Variants in ITGA9 observed in about 807,000 individuals in gnomAD.
ITGA9 encodes integrin subunit alpha 9, also known as integrin alpha-9.
A neutral mutation model predicts 127.8 loss-of-function variants in ITGA9; 56 were observed. The observed-to-expected ratio is 0.44, with a 90% CI of 0.35 to 0.55. The LOEUF is 0.55. Among genes scored for constraint, ITGA9 ranks in the 20% least tolerant of loss-of-function variants. ITGA9 has a pLI of 0.00. For missense variants in ITGA9, 1,196 were observed against 1,347.1 expected (o/e 0.89, Z 1.76); for synonymous variants, 508 against 514.5 (o/e 0.99, Z 0.17).
chr3:37,469,817 A>G (rs1698409133), intron 1 of ITGA9, among the ~76,000 whole-genome samples: 1 of 151,840 alleles, frequency 6.6e-6, no homozygotes. Context: ...TGTTTTTGAG[A>G]CAGAGTCTCA....
At chr3:37,746,143 TG>T (rs1250993176) in intron 22 of ITGA9, among the ~76,000 whole-genome samples, 1 of 152,232 alleles carries the variant, frequency 6.6e-6, no homozygotes, top group Non-Finnish European at 1.5e-5. Flanking sequence ...GAAAATACTG[TG>T]GAAGGAGGCC....
At chr3:37,494,461 C>T (rs775337460) in intron 4 of ITGA9, 40 bp from the exon 5 acceptor site, 17 of 1,430,352 alleles carry the variant, frequency 1.2e-5, no homozygotes, top group Admixed American at 3.4e-5. Flanking sequence ...CATACACTGA[C>T]ATGGCTGTGG....
At chr3:37,469,928 T>C in intron 1 of ITGA9, among the ~76,000 whole-genome samples, 1 of 152,196 alleles carries the variant, frequency 6.6e-6, no homozygotes, top group Non-Finnish European at 1.5e-5. Flanking sequence ...CTCAAGCAGC[T>C]GGGATTACAG....
chr3:37,737,121 C>T lies in ITGA9; in HGVS notation c.2234+138C>T, dbSNP rs796355375. The T allele has an allele frequency of 9.8e-6, 7 of 713,158 alleles. 1 individual carries two copies. The highest frequency in any genetic ancestry group is 4.7e-5 in the South Asian group (3 of 64,300). 44.2% of individuals were successfully genotyped at this position (713,158 alleles called of 1,614,324 possible). On this transcript the variant is annotated intron_variant, in intron 20 of 27. Coordinates refer to ENST00000264741, the MANE Select transcript of ITGA9 (RefSeq NM_002207.3). ...GTTACTCAGTGATAAAGCCTTGAGC[C>T]GCAAAGTGGAATTGGATTTCTTGGG...
At chr3:37,697,276 G>A (rs962780510) in intron 18 of ITGA9, among the ~76,000 whole-genome samples, 7 of 151,016 alleles carry the variant, frequency 4.6e-5, no homozygotes, top group African/African-American at 1.7e-4. Context: ...GGACCCGTCA[G>A]CATCTATTAG....
At chr3:37,762,480 G>C (rs1315865308) in intron 23 of ITGA9, among the ~76,000 whole-genome samples, 6 of 152,222 alleles carry the variant, frequency 3.9e-5, no homozygotes, top group African/African-American at 1.2e-4. Context: ...GCATTGTTAT[G>C]TAGATGAAGC....
chr3:37,585,762 A>T, intron 15 of ITGA9: 1 of 370,316 alleles, frequency 2.7e-6, no homozygotes. Context: ...TCCATAGAGC[A>T]GTGTATTTGG....
intron 26 of ITGA9, 56 bp from the exon 27 acceptor site, chr3:37,803,767 C>G: frequency 6.2e-7 from 1 of 1,606,160 alleles, no homozygotes; most frequent in Non-Finnish European, 8.5e-7. Flanking sequence ...GAACAAGACT[C>G]TGTCTCAAAA....
At chr3:37,571,965 T>C (rs1002570001) in intron 15 of ITGA9, among the ~76,000 whole-genome samples, 3 of 152,034 alleles carry the variant, frequency 2.0e-5, no homozygotes, top group Admixed American at 6.5e-5. Flanking sequence ...GGAACTGAAC[T>C]GTCTGCTCTA....
intron 16 of ITGA9, among the ~76,000 whole-genome samples, chr3:37,648,132 A>G (rs966085870): frequency 5.3e-5 from 8 of 152,110 alleles, no homozygotes; most frequent in Non-Finnish European, 1.5e-5. Context: ...ACCAATTTAC[A>G]TTCCTACCAA....
chr3:37,809,286 A>G (rs1252772952), intron 27 of ITGA9, among the ~76,000 whole-genome samples: 1 of 151,976 alleles, frequency 6.6e-6, no homozygotes, highest in Admixed American at 6.6e-5. Context: ...GGGTTTCACC[A>G]TGTTGGCCAG....
chr3:37,517,389 C>T (rs192976420), intron 9 of ITGA9, 115 bp from the exon 10 acceptor site: 2 of 821,058 alleles, frequency 2.4e-6, no homozygotes, highest in East Asian at 2.7e-5. Context: ...TGTTTCCTGT[C>T]AATGAGTGTG....
chr3:37,675,743 C>CTT (rs5848124), intron 17 of ITGA9, among the ~76,000 whole-genome samples: 18,347 of 124,360 alleles, frequency 0.15, 1,671 homozygotes, highest in South Asian at 0.25. Context: ...TTAAAAACTA[C>CTT]TTTTTTTTTT....
chr3:37,798,075 C>T (rs926777827), intron 26 of ITGA9, among the ~76,000 whole-genome samples: 1 of 152,170 alleles, frequency 6.6e-6, no homozygotes, highest in Non-Finnish European at 1.5e-5. Flanking sequence ...ACTTCAGCCT[C>T]GATATCCCAT....
chr3:37,564,814 A>C (rs372516488), intron 15 of ITGA9, among the ~76,000 whole-genome samples: 6 of 152,212 alleles, frequency 3.9e-5, no homozygotes, highest in Non-Finnish European at 8.8e-5. Context: ...ATCCACCACT[A>C]CAGCCACAAC....
chr3:37,522,319 G>A (rs1699051949), intron 11 of ITGA9, among the ~76,000 whole-genome samples: 1 of 152,164 alleles, frequency 6.6e-6, no homozygotes, highest in Admixed American at 6.5e-5. Context: ...GTATCTTTGT[G>A]AGGAACTGCG....
At chr3:37,549,033 A>G (rs183625075) in intron 15 of ITGA9, among the ~76,000 whole-genome samples, 1 of 152,334 alleles carries the variant, frequency 6.6e-6, no homozygotes, top group East Asian at 1.9e-4. Flanking sequence ...CTCTGCTCAC[A>G]CAGATGGCAC....
At chr3:37,531,686 G>A (rs1447598139) in intron 13 of ITGA9, among the ~76,000 whole-genome samples, 1 of 152,236 alleles carries the variant, frequency 6.6e-6, no homozygotes, top group East Asian at 1.9e-4. Flanking sequence ...GTCCATCTGT[G>A]AGGCTTTGGA....
At chr3:37,491,838 A>G (rs1203784235) in intron 4 of ITGA9, among the ~76,000 whole-genome samples, 1 of 152,230 alleles carries the variant, frequency 6.6e-6, no homozygotes, top group Non-Finnish European at 1.5e-5. Context: ...TAGAAGATGG[A>G]TTAGGGAGAA....
Sources: allele counts gnomAD v4.1 joint callset (sites outside exome capture counted in the v4.1 genomes callset), GRCh38; gene constraint gnomAD v4.1.1; transcripts MANE v1.5; gene names NCBI Gene and HGNC (gene_info 2026-07-23, HGNC 2026-07-21).